Variants in STX18 observed in about 807,000 individuals in gnomAD.
STX18 encodes syntaxin-18.
Under a neutral mutation model 50.1 loss-of-function variants are expected in STX18, and 40 were observed. The observed-to-expected ratio is 0.80, with a 90% CI of 0.62 to 1.04. The LOEUF is 1.04. STX18 is among the 50% of genes least tolerant of loss of function. The pLI is 0.00. For synonymous variants in STX18, 158 were observed against 151.8 expected (o/e 1.04, Z -0.30); for missense variants, 410 against 415.8 (o/e 0.99, Z 0.12).
At position 4,458,324 on chromosome 4, in the gene STX18, G is replaced by GA. The variant is rs567639405; in HGVS notation, c.353-825dup. On this transcript the variant is annotated intron_variant, in intron 3 of 10. Coordinates refer to ENST00000306200, the MANE Select transcript of STX18 (RefSeq NM_016930.4). Reference sequence around the variant, plus strand: ...ATGAATGTATATGCCCTTAAGGGTAGAGGGCATGATTTCTGCCTTACTATA... The same window carrying GA: ...ATGAATGTATATGCCCTTAAGGGTAGAAGGGCATGATTTCTGCCTTACTATA... 1.6e-3 allele frequency among the ~76,000 whole-genome samples: 249 copies of GA among 152,304 alleles called. 1 individual carries two copies. Among genetic ancestry groups the GA allele is most frequent in the African/African-American group, 5.6e-3 (234 of 41,564 alleles).
intron 5 of STX18, among the ~76,000 whole-genome samples, chr4:4,442,636 G>A (rs1238191832): frequency 6.6e-6 from 1 of 151,666 alleles, no homozygotes; most frequent in African/African-American, 2.4e-5. Context: ...CAAAACAAAC[G>A]AAACAAAGCA....
intron 1 of STX18, among the ~76,000 whole-genome samples, chr4:4,496,249 C>T (rs563122364): frequency 1.1e-3 from 163 of 152,176 alleles, no homozygotes; most frequent in Non-Finnish European, 2.1e-3. Context: ...AACAGAGAGG[C>T]CTAGGCAGCA....
At chr4:4,490,242 T>C (rs976382863) in intron 1 of STX18, among the ~76,000 whole-genome samples, 4 of 152,182 alleles carry the variant, frequency 2.6e-5, no homozygotes, top group Non-Finnish European at 4.4e-5. Context: ...CAGCATTATC[T>C]GATCAAATAT....
chr4:4,444,524 T>C (rs756992862), intron 5 of STX18, among the ~76,000 whole-genome samples: 1 of 152,200 alleles, frequency 6.6e-6, no homozygotes, highest in Non-Finnish European at 1.5e-5. Context: ...GGGAGACACA[T>C]ATTGGAAGAA....
At chr4:4,491,445 GA>G (rs1728937991) in intron 1 of STX18, among the ~76,000 whole-genome samples, 1 of 152,100 alleles carries the variant, frequency 6.6e-6, no homozygotes. Context: ...TTCATTTACT[GA>G]AAACGTTGAG....
intron 1 of STX18, among the ~76,000 whole-genome samples, chr4:4,478,219 A>T (rs1350445639): frequency 2.8e-5 from 4 of 145,080 alleles, no homozygotes; most frequent in Non-Finnish European, 6.0e-5. Flanking sequence ...ATACAGAAAG[A>T]TCGGCAAAAA....
chr4:4,455,844 A>T (rs1727033900), intron 5 of STX18, among the ~76,000 whole-genome samples: 2 of 152,182 alleles, frequency 1.3e-5, no homozygotes, highest in South Asian at 4.1e-4. Flanking sequence ...TTTGTCCCAC[A>T]TGCCTTTTCC....
chr4:4,507,933 A>C (rs1266205987), intron 1 of STX18, among the ~76,000 whole-genome samples: 4 of 151,986 alleles, frequency 2.6e-5, no homozygotes, highest in African/African-American at 4.8e-5. Flanking sequence ...CTGCCTGCTT[A>C]CCACTGATCG....
intron 1 of STX18, among the ~76,000 whole-genome samples, chr4:4,484,791 T>A (rs1383049424): frequency 6.6e-6 from 1 of 152,238 alleles, no homozygotes; most frequent in Admixed American, 6.5e-5. Flanking sequence ...CTCAGGCTTC[T>A]GAATCCCTGC....
intron 1 of STX18, among the ~76,000 whole-genome samples, chr4:4,515,896 T>C (rs532056892): frequency 1.3e-5 from 2 of 152,234 alleles, no homozygotes; most frequent in East Asian, 3.9e-4. Context: ...AGAGTAAGTA[T>C]TCCGAAAACA....
intron 7 of STX18, among the ~76,000 whole-genome samples, chr4:4,429,911 G>A (rs1307704670): frequency 6.6e-6 from 1 of 152,208 alleles, no homozygotes; most frequent in Non-Finnish European, 1.5e-5. Flanking sequence ...TTAAGAAACA[G>A]AAGCCACATT....
intron 1 of STX18, among the ~76,000 whole-genome samples, chr4:4,492,448 AAC>A (rs1442256823): frequency 6.6e-6 from 1 of 152,184 alleles, no homozygotes; most frequent in African/African-American, 2.4e-5. Context: ...AAGAAAGTGA[AAC>A]ACAGGATTCA....
chr4:4,443,212 T>C (rs994728902), intron 5 of STX18, among the ~76,000 whole-genome samples: 1 of 152,250 alleles, frequency 6.6e-6, no homozygotes, highest in African/African-American at 2.4e-5. Flanking sequence ...GAAAAAGTTA[T>C]TAATTATAGC....
chr4:4,479,333 T>C (rs1217367571), intron 1 of STX18, among the ~76,000 whole-genome samples: 1 of 152,170 alleles, frequency 6.6e-6, no homozygotes, highest in Non-Finnish European at 1.5e-5. Flanking sequence ...TCAAACCGAG[T>C]GCCTGTGTGC....
At chr4:4,518,225 A>G (rs900001938) in intron 1 of STX18, among the ~76,000 whole-genome samples, 1 of 152,270 alleles carries the variant, frequency 6.6e-6, no homozygotes, top group Non-Finnish European at 1.5e-5. Flanking sequence ...GGATTTTCTT[A>G]TAACGGTTTG....
At chr4:4,517,513 C>T (rs1469493551) in intron 1 of STX18, among the ~76,000 whole-genome samples, 1 of 152,086 alleles carries the variant, frequency 6.6e-6, no homozygotes, top group African/African-American at 2.4e-5. Context: ...ATGTAGAAAG[C>T]TTTATAATTA....
At chr4:4,500,806 T>G (rs533695043) in intron 1 of STX18, among the ~76,000 whole-genome samples, 1 of 152,228 alleles carries the variant, frequency 6.6e-6, no homozygotes, top group South Asian at 2.1e-4. Context: ...GAGGCCAAGG[T>G]GGGTGGATCA....
intron 5 of STX18, among the ~76,000 whole-genome samples, chr4:4,454,488 G>A (rs745651980): frequency 3.3e-5 from 5 of 152,126 alleles, no homozygotes; most frequent in Non-Finnish European, 5.9e-5. Context: ...GGAGAAATCC[G>A]CATTCCTCTC....
At chr4:4,452,629 C>T (rs553862730) in intron 5 of STX18, among the ~76,000 whole-genome samples, 2 of 152,296 alleles carry the variant, frequency 1.3e-5, no homozygotes, top group African/African-American at 4.8e-5. Flanking sequence ...CCCAGGAGTT[C>T]AAGGCTGCAG....
Sources: gnomAD v4.1 joint callset for allele counts (sites outside exome capture counted in the v4.1 genomes callset) on GRCh38, gnomAD v4.1.1 for gene constraint, MANE v1.5 for transcripts, NCBI Gene and HGNC (gene_info 2026-07-23, HGNC 2026-07-21) for gene names.